SLC4A7: variants seen among roughly 807,000 people sequenced by gnomAD.
SLC4A7 encodes the protein sodium bicarbonate cotransporter 3.
In SLC4A7, 51 loss-of-function variants were observed where a neutral mutation model predicts 137.6. The observed-to-expected ratio is 0.37, with a 90% CI of 0.30 to 0.47. SLC4A7 has a LOEUF of 0.47. Ranked by LOEUF, SLC4A7 falls within the 20% of genes least tolerant of loss-of-function variation. The pLI is 1.00. For synonymous variants in SLC4A7, 542 were observed against 518.6 expected (o/e 1.05, Z -0.61); for missense variants, 1,247 against 1,525.4 (o/e 0.82, Z 3.04).
chr3:27,390,412 C>A, intron 21 of SLC4A7: 1 of 208,274 alleles, frequency 4.8e-6, no homozygotes. Flanking sequence ...TAATTGAATG[C>A]ACAAGTCATT....
At chr3:27,401,003 G>A in intron 15 of SLC4A7, 134 bp from the exon 16 acceptor site, 1 of 521,964 alleles carries the variant, frequency 1.9e-6, no homozygotes, top group South Asian at 3.2e-5. Flanking sequence ...CTAGAAAGTG[G>A]AAAATACATC....
chr3:27,408,906 C>T (rs983323159), intron 13 of SLC4A7, among the ~76,000 whole-genome samples: 1 of 152,142 alleles, frequency 6.6e-6, no homozygotes, highest in South Asian at 2.1e-4. Context: ...TCTATTCTTC[C>T]AGTCGAGTAT....
chr3:27,461,731 G>C (rs577329203), intron 1 of SLC4A7, among the ~76,000 whole-genome samples: 2 of 151,746 alleles, frequency 1.3e-5, no homozygotes, highest in African/African-American at 4.8e-5. Flanking sequence ...AGGCCGAGGC[G>C]GGCAGATCAC....
At chr3:27,432,964 A>T (rs1457641532) in intron 6 of SLC4A7, among the ~76,000 whole-genome samples, 1 of 152,196 alleles carries the variant, frequency 6.6e-6, no homozygotes, top group Non-Finnish European at 1.5e-5. Flanking sequence ...TACTCTTAAG[A>T]TTGCTTAAAT....
At chr3:27,381,390 A>G (rs1045790741) in intron 24 of SLC4A7, among the ~76,000 whole-genome samples, 1 of 152,222 alleles carries the variant, frequency 6.6e-6, no homozygotes, top group Admixed American at 6.5e-5. Context: ...TTAGAAGTAC[A>G]TCAATGAAGC....
At chr3:27,406,231 T>C (rs2053339676) in intron 13 of SLC4A7, among the ~76,000 whole-genome samples, 1 of 152,136 alleles carries the variant, frequency 6.6e-6, no homozygotes, top group East Asian at 1.9e-4. Flanking sequence ...CACTTTGAAA[T>C]GGCGGTGATG....
chr3:27,439,991 G>A lies in SLC4A7; in HGVS notation c.290-2465C>T, dbSNP rs542591306. On this transcript the variant is annotated intron_variant, in intron 3 of 25. Coordinates refer to ENST00000454389, the MANE Select transcript of SLC4A7 (RefSeq NM_001321103.2). ...TTGAACCTATTTAGATAGTTGTATT[G>A]CTTTTCTCCTTTGTATTGTTAATGA... Among the ~76,000 whole-genome samples the A allele has an allele frequency of 5.3e-5, 8 of 152,222 alleles. No homozygotes were observed. In the East Asian group the frequency reaches 1.4e-3, roughly 26 times the overall value.
At chr3:27,468,658 G>T (rs917327251) in intron 1 of SLC4A7, among the ~76,000 whole-genome samples, 1 of 152,028 alleles carries the variant, frequency 6.6e-6, no homozygotes, top group Non-Finnish European at 1.5e-5. Context: ...CACTTACTAC[G>T]CTGGGCAGAT....
At chr3:27,434,447 C>A (rs988953302) in intron 5 of SLC4A7, among the ~76,000 whole-genome samples, 2 of 152,002 alleles carry the variant, frequency 1.3e-5, no homozygotes, top group African/African-American at 4.8e-5. Flanking sequence ...TATTTTATTG[C>A]CAAACCTCAT....
At chr3:27,466,179 C>T (rs1289642075) in intron 1 of SLC4A7, among the ~76,000 whole-genome samples, 2 of 150,868 alleles carry the variant, frequency 1.3e-5, no homozygotes, top group Admixed American at 6.6e-5. Context: ...TGGCTGGGCG[C>T]GGTGGCTCAC....
At chr3:27,413,794 C>A (rs530636823) in intron 11 of SLC4A7, among the ~76,000 whole-genome samples, 134 of 152,186 alleles carry the variant, frequency 8.8e-4, no homozygotes, top group Admixed American at 8.8e-3. Context: ...CAGTGAGAAA[C>A]AAGTTTAAAA....
At chr3:27,445,827 G>T (rs939677542) in intron 3 of SLC4A7, among the ~76,000 whole-genome samples, 17 of 146,590 alleles carry the variant, frequency 1.2e-4, no homozygotes, top group Admixed American at 2.7e-4. Flanking sequence ...AGCTACTTGG[G>T]AGGCTGAGGC....
chr3:27,465,029 C>T (rs1429020806), intron 1 of SLC4A7, among the ~76,000 whole-genome samples: 1 of 151,854 alleles, frequency 6.6e-6, no homozygotes, highest in African/African-American at 2.4e-5. Flanking sequence ...GACAAGAACC[C>T]GGTTTTTTCT....
At chr3:27,413,994 T>G (rs2054149817) in intron 11 of SLC4A7, among the ~76,000 whole-genome samples, 1 of 152,120 alleles carries the variant, frequency 6.6e-6, no homozygotes, top group East Asian at 1.9e-4. Flanking sequence ...AAATACACAG[T>G]TGAGGCCAGG....
chr3:27,483,501 C>A (rs1347443085), intron 1 of SLC4A7, among the ~76,000 whole-genome samples: 9 of 152,204 alleles, frequency 5.9e-5, no homozygotes, highest in Admixed American at 5.2e-4. Context: ...GGCCAGTCCA[C>A]GCGGCCGGAG....
intron 11 of SLC4A7, among the ~76,000 whole-genome samples, chr3:27,413,502 C>A (rs561608646): frequency 6.6e-6 from 1 of 152,122 alleles, no homozygotes; most frequent in Non-Finnish European, 1.5e-5. Flanking sequence ...AACTAGTAGA[C>A]ACAGACCACT....
chr3:27,378,520 G>A (rs1174789106), intron 25 of SLC4A7, among the ~76,000 whole-genome samples: 1 of 152,292 alleles, frequency 6.6e-6, no homozygotes, highest in East Asian at 1.9e-4. Flanking sequence ...GAATCCCTGA[G>A]GGCTTAGTTC....
At chr3:27,464,435 C>G (rs1178203022) in intron 1 of SLC4A7, among the ~76,000 whole-genome samples, 1 of 151,918 alleles carries the variant, frequency 6.6e-6, no homozygotes, top group Admixed American at 6.6e-5. Flanking sequence ...AGGCAGGGAG[C>G]GGTAGCTCAC....
intron 24 of SLC4A7, 140 bp downstream of exon 24, chr3:27,383,013 C>A (rs1329161782): frequency 1.5e-5 from 9 of 604,496 alleles, no homozygotes; most frequent in Non-Finnish European, 2.6e-5. Context: ...TTGTGTGAAG[C>A]CCTCCTTTAG....
Sources: allele counts gnomAD v4.1 joint callset (sites outside exome capture counted in the v4.1 genomes callset), GRCh38; gene constraint gnomAD v4.1.1; transcripts MANE v1.5; gene names NCBI Gene and HGNC (gene_info 2026-07-23, HGNC 2026-07-21).